The following PRR11 variants were observed in gnomAD, a reference collection of about 807,000 sequenced individuals.
PRR11 encodes the protein proline rich 11, also known as proline-rich protein 11.
Under a neutral mutation model 45.6 loss-of-function variants are expected in PRR11, and 30 were observed. That is an observed-to-expected ratio of 0.66 (90% CI 0.49 to 0.89). The LOEUF is 0.89. Among genes scored for constraint, PRR11 ranks in the 40% least tolerant of loss-of-function variants. PRR11 has a pLI of 0.00. For synonymous variants in PRR11, 128 were observed against 153.5 expected, an observed-to-expected ratio of 0.83 and a Z score of 1.23; for missense variants, 373 against 424.8, an observed-to-expected ratio of 0.88 and a Z score of 1.07.
At chr17:59,178,601 G>A (rs2046762569) in intron 2 of PRR11, 1 of 516,260 alleles carries the variant, frequency 1.9e-6, no homozygotes, top group Admixed American at 2.0e-5. Flanking sequence ...AGGGCAGCAA[G>A]GAGAAGTGTG....
chr17:59,184,096 C>T (rs1272365505), intron 2 of PRR11, among the ~76,000 whole-genome samples: 3 of 152,136 alleles, frequency 2.0e-5, no homozygotes, highest in South Asian at 2.1e-4. Context: ...CACAGCAAGA[C>T]GTTGTGTCAA....
chr17:59,167,402 TCCTGCTA>T (rs1348115957), intron 1 of PRR11, among the ~76,000 whole-genome samples: 1 of 152,216 alleles, frequency 6.6e-6, no homozygotes, highest in Non-Finnish European at 1.5e-5. Context: ...TAGAACTTAT[TCCTGCTA>T]TCTAGCTGTA....
intron 2 of PRR11, among the ~76,000 whole-genome samples, chr17:59,172,484 G>A (rs898372905): frequency 6.6e-6 from 1 of 152,230 alleles, no homozygotes; most frequent in African/African-American, 2.4e-5. Flanking sequence ...GGCTGGCCAA[G>A]GCCGGAGCCA....
intron 1 of PRR11, among the ~76,000 whole-genome samples, chr17:59,159,316 A>G (rs2046640689): frequency 6.6e-6 from 1 of 152,040 alleles, no homozygotes; most frequent in Admixed American, 6.6e-5. Flanking sequence ...ACTCATTTCT[A>G]GTGTTGTTAT....
chr17:59,188,931 C>A (rs2046827087), intron 4 of PRR11, among the ~76,000 whole-genome samples: 1 of 141,084 alleles, frequency 7.1e-6, no homozygotes, highest in Non-Finnish European at 1.5e-5. Context: ...CAGAGCATGA[C>A]TGTGTCTCAA....
Position 59,181,655 on chromosome 17 carries a change from C to G in PRR11, c.129-3399C>G. 4.6e-6 allele frequency: 7 copies of G among 1,525,366 alleles called. No individual in the cohort carries two copies. The South Asian group carries it at 7.8e-5, about 17-fold the overall frequency. 94.5% of individuals were successfully genotyped at this position (1,525,366 alleles called of 1,614,324 possible). A position where few individuals can be genotyped will look rare whatever the true frequency, so the allele number is the denominator to read the frequency against. On this transcript the variant is annotated intron_variant, in intron 2 of 9. Transcript: ENST00000262293. ...TCAGGGGCGAGCTCCTTCTCTGGCG[C>G]CTCCTCCGATGACTCCTCAGATTGG...
intron 1 of PRR11, among the ~76,000 whole-genome samples, chr17:59,164,095 T>C (rs928111335): frequency 1.3e-5 from 2 of 152,044 alleles, no homozygotes; most frequent in African/African-American, 2.4e-5. Flanking sequence ...TAAAAGTATA[T>C]GAAATTCAAA....
At chr17:59,165,836 A>T (rs538452430) in intron 1 of PRR11, among the ~76,000 whole-genome samples, 1 of 150,832 alleles carries the variant, frequency 6.6e-6, no homozygotes, top group Non-Finnish European at 1.5e-5. Flanking sequence ...TCCTTTAGAC[A>T]TCCCTTGTGT....
intron 2 of PRR11, chr17:59,181,834 C>A: frequency 6.8e-7 from 1 of 1,479,560 alleles, no homozygotes; most frequent in Non-Finnish European, 9.2e-7. Context: ...AAACCACTCT[C>A]CATCCTCCCC....
intron 1 of PRR11, among the ~76,000 whole-genome samples, chr17:59,166,834 T>A (rs1372996034): frequency 6.6e-6 from 1 of 152,100 alleles, no homozygotes; most frequent in Non-Finnish European, 1.5e-5. Context: ...ACTTTTTATT[T>A]TTTTATTTTT....
At chr17:59,166,612 T>C (rs1260326729) in intron 1 of PRR11, among the ~76,000 whole-genome samples, 1 of 152,158 alleles carries the variant, frequency 6.6e-6, no homozygotes, top group Non-Finnish European at 1.5e-5. Flanking sequence ...TGATATATAC[T>C]TATATAGATA....
chr17:59,177,288 G>C, intron 2 of PRR11: 1 of 544,594 alleles, frequency 1.8e-6, no homozygotes, highest in Non-Finnish European at 3.7e-6. Context: ...AAAGGGAGAG[G>C]TCACATCTTG....
intron 7 of PRR11, among the ~76,000 whole-genome samples, chr17:59,196,191 G>A (rs2046865171): frequency 6.6e-6 from 1 of 150,644 alleles, no homozygotes; most frequent in South Asian, 2.1e-4. Context: ...ATGTCAAAAT[G>A]ACACTTTAAG....
At chr17:59,162,797 C>T (rs1338965075) in intron 1 of PRR11, among the ~76,000 whole-genome samples, 4 of 143,064 alleles carry the variant, frequency 2.8e-5, no homozygotes, top group African/African-American at 1.1e-4. Context: ...GGCACGATCT[C>T]GGCTCACCGC....
At chr17:59,173,843 C>T (rs556249675) in intron 2 of PRR11, among the ~76,000 whole-genome samples, 1 of 152,184 alleles carries the variant, frequency 6.6e-6, no homozygotes, top group Non-Finnish European at 1.5e-5. Context: ...CTCCTCTCCT[C>T]CTTCCTGGTG....
chr17:59,166,118 T>A (rs2046678983), intron 1 of PRR11, among the ~76,000 whole-genome samples: 1 of 152,214 alleles, frequency 6.6e-6, no homozygotes, highest in Admixed American at 6.5e-5. Flanking sequence ...GCTCAGTTTT[T>A]ACAACCTGCA....
Position 59,193,523 on chromosome 17 carries a change from G to A in PRR11, c.434G>A (p.Cys145Tyr), listed in dbSNP as rs768477046. The change falls in exon 5 of 10, where the codon TGT becomes TAT. Residue 145 changes from cysteine (C) to tyrosine (Y), a missense_variant. Cys to Tyr is a radical substitution (Grantham distance 194). Transcript: ENST00000262293. ...TCAGAAAGTTCTTCCTGTCCAAGCT[G>A]TGGTCAAACATGTCACATGAGTGGT... ...TISESSSCPSCGQTCHMSGKL... is the reference protein window; with the variant it reads ...TISESSSCPSYGQTCHMSGKL... 5.0e-6 allele frequency: 8 copies of A among 1,614,008 alleles called. No homozygotes were observed. The South Asian group carries it at 7.7e-5, about 16-fold the overall frequency.
intron 1 of PRR11, among the ~76,000 whole-genome samples, chr17:59,164,223 A>T (rs2046668138): frequency 6.6e-6 from 1 of 152,228 alleles, no homozygotes; most frequent in African/African-American, 2.4e-5. Context: ...TATGGCCTGC[A>T]AAACCTGAAA....
intron 4 of PRR11, 126 bp downstream of exon 4, chr17:59,185,688 T>A: frequency 1.2e-6 from 1 of 867,114 alleles, no homozygotes; most frequent in Non-Finnish European, 1.7e-6. Flanking sequence ...AGCGAAAAAG[T>A]TTTCTTTGTT....
Sources: gnomAD v4.1 joint callset for allele counts (sites outside exome capture counted in the v4.1 genomes callset) on GRCh38, gnomAD v4.1.1 for gene constraint, MANE v1.5 for transcripts, NCBI Gene and HGNC (gene_info 2026-07-23, HGNC 2026-07-21) for gene names.